GPR158: variants seen among roughly 807,000 people sequenced by gnomAD.
The protein encoded by GPR158 is metabotropic glycine receptor.
A neutral mutation model predicts 78.2 loss-of-function variants in GPR158; 30 were observed. That is an observed-to-expected ratio of 0.38 (90% confidence interval 0.29 to 0.52). The LOEUF (loss-of-function observed/expected upper bound fraction) is 0.52, where lower values mean the gene tolerates loss of function less well. GPR158 is among the 20% of genes least tolerant of loss of function. The pLI, the probability that GPR158 is intolerant of heterozygous loss-of-function variation, is 0.83. For synonymous variants in GPR158, 581 were observed against 591.1 expected, an observed-to-expected ratio of 0.98 and a Z score of 0.25; for missense variants, 1,463 against 1,523.5, an observed-to-expected ratio of 0.96 and a Z score of 0.66.
chr10:25,542,823 CAAAAAA>C (rs5783943), intron 5 of GPR158, among the ~76,000 whole-genome samples: 1 of 94,372 alleles, frequency 1.1e-5, no homozygotes, highest in African/African-American at 4.1e-5. Context: ...AACTCCATCT[CAAAAAA>C]AAAAAAAAAA....
intron 2 of GPR158, among the ~76,000 whole-genome samples, chr10:25,351,051 A>G (rs1339183648): frequency 6.6e-6 from 1 of 151,956 alleles, no homozygotes; most frequent in Non-Finnish European, 1.5e-5. Context: ...GGTGAAATGG[A>G]GATTCCTTCG....
At position 25,241,409 on chromosome 10, in the gene GPR158, C is replaced by CTCTTT. The variant is rs1206670364; in HGVS notation, c.1008+20278_1008+20282dup. Reference sequence around the variant, plus strand: ...CTCTTCTCTTCTCTTCTCTTCTCTTCTCTTTTCTTTTCTTTTCTTTTCTTT... The same window carrying CTCTTT: ...CTCTTCTCTTCTCTTCTCTTCTCTTCTCTTTTCTTTTCTTTTCTTTTCTTTTCTTT... On this transcript the variant is annotated intron_variant, in intron 2 of 10. Transcript: ENST00000376351. 4.0e-3 allele frequency among the ~76,000 whole-genome samples: 434 copies of CTCTTT among 108,132 alleles called. 4 individuals are homozygous for CTCTTT. The highest frequency in any genetic ancestry group is 6.4e-3 in the Non-Finnish European group (321 of 50,048). The allele number at this position is 108,132 out of a possible 152,430, so 70.9% of individuals were successfully genotyped here.
At chr10:25,493,235 ACAATTGCAG>A (rs1184889867) in intron 5 of GPR158, among the ~76,000 whole-genome samples, 1 of 152,188 alleles carries the variant, frequency 6.6e-6, no homozygotes, top group African/African-American at 2.4e-5. Context: ...CTGCTTCAAC[ACAATTGCAG>A]CAAATGCCCT....
chr10:25,439,482 T>A (rs1335472791), intron 4 of GPR158, among the ~76,000 whole-genome samples: 1 of 152,184 alleles, frequency 6.6e-6, no homozygotes, highest in African/African-American at 2.4e-5. Context: ...CTCCTGTCTC[T>A]GAAAATATAG....
chr10:25,537,487 T>G (rs1836515875), intron 5 of GPR158, among the ~76,000 whole-genome samples: 1 of 152,160 alleles, frequency 6.6e-6, no homozygotes, highest in African/African-American at 2.4e-5. Flanking sequence ...CTTGAAAGCA[T>G]GTCTAATACT....
intron 1 of GPR158, among the ~76,000 whole-genome samples, chr10:25,214,223 T>C (rs540336870): frequency 2.0e-5 from 3 of 151,702 alleles, no homozygotes; most frequent in Non-Finnish European, 4.4e-5. Context: ...GTTGATCTCC[T>C]GACCTCGTGA....
At chr10:25,533,770 T>G (rs1161403160) in intron 5 of GPR158, among the ~76,000 whole-genome samples, 1 of 152,146 alleles carries the variant, frequency 6.6e-6, no homozygotes, top group East Asian at 1.9e-4. Flanking sequence ...ATCTTTCTAC[T>G]CTGTCCTTCC....
chr10:25,560,468 T>C (rs867075290), intron 6 of GPR158, among the ~76,000 whole-genome samples: 2 of 152,206 alleles, frequency 1.3e-5, no homozygotes, highest in African/African-American at 2.4e-5. Context: ...GGTTTCACCA[T>C]GTTAGCCAGG....
chr10:25,223,730 T>C (rs1853334050), intron 2 of GPR158, among the ~76,000 whole-genome samples: 1 of 152,158 alleles, frequency 6.6e-6, no homozygotes, highest in Non-Finnish European at 1.5e-5. Context: ...TGGGAAGCAC[T>C]TAACATCCAC....
chr10:25,269,956 C>G (rs1854095301), intron 2 of GPR158, among the ~76,000 whole-genome samples: 1 of 152,120 alleles, frequency 6.6e-6, no homozygotes, highest in African/African-American at 2.4e-5. Flanking sequence ...GTCTCAGATT[C>G]TATAATCTTA....
intron 1 of GPR158, among the ~76,000 whole-genome samples, chr10:25,218,330 T>C (rs1465140507): frequency 1.3e-5 from 2 of 152,182 alleles, no homozygotes; most frequent in African/African-American, 4.8e-5. Context: ...GCGGTGACTT[T>C]TTAGTTTCCA....
intron 2 of GPR158, among the ~76,000 whole-genome samples, chr10:25,279,797 A>G (rs757914340): frequency 6.6e-6 from 1 of 152,040 alleles, no homozygotes; most frequent in Non-Finnish European, 1.5e-5. Context: ...CTTACATACA[A>G]CTGAGTTTTT....
chr10:25,252,072 C>T (rs2130722904), intron 2 of GPR158, among the ~76,000 whole-genome samples: 1 of 152,126 alleles, frequency 6.6e-6, no homozygotes, highest in Admixed American at 6.5e-5. Context: ...TTTCATCTTC[C>T]ATTGCTGACA....
At chr10:25,261,258 G>A (rs553013632) in intron 2 of GPR158, among the ~76,000 whole-genome samples, 1 of 152,166 alleles carries the variant, frequency 6.6e-6, no homozygotes, top group South Asian at 2.1e-4. Context: ...ATGTCTATTC[G>A]AGTTCACCTG....
chr10:25,415,985 G>A (rs963546980), intron 4 of GPR158, among the ~76,000 whole-genome samples: 13 of 152,022 alleles, frequency 8.6e-5, no homozygotes, highest in Non-Finnish European at 1.9e-4. Context: ...CTTTAAAAAG[G>A]TGAATATTAA....
intron 5 of GPR158, among the ~76,000 whole-genome samples, chr10:25,470,130 C>CAG (rs1374470490): frequency 2.0e-5 from 3 of 151,474 alleles, no homozygotes; most frequent in Non-Finnish European, 4.4e-5. Context: ...CCTTTTCCTG[C>CAG]ACTCAATATG....
chr10:25,530,181 C>G (rs1219041811), intron 5 of GPR158, among the ~76,000 whole-genome samples: 1 of 152,040 alleles, frequency 6.6e-6, no homozygotes, highest in East Asian at 1.9e-4. Flanking sequence ...AACTGTGTGG[C>G]TTCTTCAATA....
At position 25,495,576 on chromosome 10, in the gene GPR158, G is replaced by T. The variant is rs149801868; in HGVS notation, c.1404+28857G>T. ...CAAAGTGCTGGGATTACAGGTGTGAGCCACTGTGCCCAGGCCTGACTTTTT... is the reference window on the plus strand; with the variant it reads ...CAAAGTGCTGGGATTACAGGTGTGATCCACTGTGCCCAGGCCTGACTTTTT... On this transcript the variant is annotated intron_variant, in intron 5 of 10. Coordinates refer to ENST00000376351, the MANE Select transcript of GPR158 (RefSeq NM_020752.3). Among the ~76,000 whole-genome samples the T allele has an allele frequency of 1.5e-3, 228 of 152,078 alleles. 6 individuals carry two copies. The East Asian group carries it at 0.042, about 28-fold the overall frequency.
intron 4 of GPR158, among the ~76,000 whole-genome samples, chr10:25,437,658 TTGATTTGA>T (rs1415017710): frequency 6.6e-6 from 1 of 152,162 alleles, no homozygotes; most frequent in Non-Finnish European, 1.5e-5. Context: ...GCCTATTAGA[TTGATTTGA>T]TGATTATGAA....
Sources: allele counts gnomAD v4.1 joint callset (sites outside exome capture counted in the v4.1 genomes callset), GRCh38; gene constraint gnomAD v4.1.1; transcripts MANE v1.5; gene names NCBI Gene and HGNC (gene_info 2026-07-23, HGNC 2026-07-21).